Variants in SCN9A observed in about 807,000 individuals in gnomAD.
SCN9A encodes the protein sodium channel protein type 9 subunit alpha.
A neutral mutation model predicts 187.0 loss-of-function variants in SCN9A; 131 were observed. That is an observed-to-expected ratio of 0.70 (90% CI 0.61 to 0.81). SCN9A has a LOEUF of 0.81. Ranked by LOEUF, SCN9A falls within the 30% of genes least tolerant of loss-of-function variation. The probability of loss-of-function intolerance (pLI) is 0.00; values close to 1 mark genes in which losing one functional copy is unlikely to be tolerated. For synonymous variants in SCN9A, 809 were observed against 808.6 expected (o/e 1.00, Z -0.01); for missense variants, 2,252 against 2,396.6 (o/e 0.94, Z 1.26).
rs1348866353 is a variant in SCN9A at position 166,196,789 on chromosome 2, A to C, written c.*1883T>G. On this transcript the variant is annotated 3_prime_UTR_variant, in exon 27 of 27. Transcript: ENST00000642356. ...GCATGGTGTCTTTCATATTAAATTAAAAAGTGGTTCAAATAGCCTAAGATG... is the reference window on the plus strand; with the variant it reads ...GCATGGTGTCTTTCATATTAAATTACAAAGTGGTTCAAATAGCCTAAGATG... 1 of 152,136 alleles carries C rather than the reference A, an allele frequency of 6.6e-6. No homozygotes were observed. The highest frequency in any genetic ancestry group is 1.9e-4 in the East Asian group (1 of 5,188). 9.4% of individuals were successfully genotyped at this position (152,136 alleles called of 1,614,324 possible). A position where few individuals can be genotyped will look rare whatever the true frequency, so the allele number is the denominator to read the frequency against.
chr2:166,210,772 G>A (rs1391964931), intron 24 of SCN9A, among the ~76,000 whole-genome samples: 1 of 151,996 alleles, frequency 6.6e-6, no homozygotes, highest in East Asian at 1.9e-4. Flanking sequence ...ATCTAAAGAA[G>A]TCTCGGCTGG....
intron 26 of SCN9A, among the ~76,000 whole-genome samples, chr2:166,202,760 T>A (rs1311227883): frequency 6.6e-6 from 1 of 151,768 alleles, no homozygotes; most frequent in African/African-American, 2.4e-5. Context: ...GATTTTCTAA[T>A]TTTTTTCATG....
In SCN9A at chr2:166,214,744, G is replaced by C. The variant is rs180938644; in HGVS notation, c.4399-10280C>G. Among the ~76,000 whole-genome samples the C allele has an allele frequency of 4.0e-3, 598 of 151,318 alleles. 5 individuals carry two copies. Among genetic ancestry groups the C allele is most frequent in the African/African-American group, 0.014 (574 of 41,254 alleles). On this transcript the variant is annotated intron_variant, in intron 24 of 26. Coordinates refer to ENST00000642356, the MANE Select transcript of SCN9A (RefSeq NM_001365536.1). ...TTAGCCAGGATGGTCTCGATCTCCT[G>C]ACCTCGTGATCCGCCCGCCTCGGCC... is the stretch of plus-strand genomic sequence containing the variant.
rs368396027 is a variant in SCN9A, at chr2:166,233,395, C to T, written c.3869G>A (p.Arg1290Gln). 28 of 1,579,526 alleles carry T rather than the reference C, an allele frequency of 1.8e-5. No homozygotes were observed. The highest frequency in any genetic ancestry group is 1.7e-4 in the Middle Eastern group (1 of 5,998). ...YSDLGPIKSLRTLRALRPLRA... is the reference protein window; with the variant it reads ...YSDLGPIKSLQTLRALRPLRA... ...TAGAGGTCTTAAAGCTCTCAGTGTC[C>T]GAAGGGATTTAATGGGGCCAAGATC... The change falls in exon 21 of 27, where the codon CGG (arginine) becomes CAG (glutamine). Residue 1290 changes from arginine to glutamine, a missense_variant. Around this residue, in one of 7 missense-constraint regions of SCN9A, gnomAD observed 368 missense variants for 408.6 expected, o/e 0.90. Transcript: ENST00000642356.
At chr2:166,322,003 G>T (rs971135701) in intron 1 of SCN9A, among the ~76,000 whole-genome samples, 2 of 151,852 alleles carry the variant, frequency 1.3e-5, no homozygotes, top group Non-Finnish European at 2.9e-5. Flanking sequence ...GTTACATTAG[G>T]TCTTTCCTAG....
At position 166,196,991 on chromosome 2, in the gene SCN9A, A is replaced by G. The variant is rs567068872; in HGVS notation, c.*1681T>C. 2.0e-5 allele frequency: 3 copies of G among 152,216 alleles called. No individual in the cohort carries two copies. In the South Asian group the frequency reaches 6.2e-4, roughly 32 times the overall value. The allele number at this position is 152,216 out of a possible 1,614,324, so 9.4% of individuals were successfully genotyped here. A position where few individuals can be genotyped will look rare whatever the true frequency, so the allele number is the denominator to read the frequency against. On this transcript the variant is annotated 3_prime_UTR_variant, in exon 27 of 27. Transcript: ENST00000642356. ...TCTTTGTTTCTATAGGTACGTTTAA[A>G]TCCTCTTTCTTTTTAAATTGCCAGA... is the stretch of plus-strand genomic sequence containing the variant.
chr2:166,286,200 C>T (rs372322044), intron 11 of SCN9A, 136 bp downstream of exon 11: 58 of 785,952 alleles, frequency 7.4e-5, no homozygotes, highest in East Asian at 1.0e-4. Context: ...AAATGCCTAG[C>T]GATACTAGGT....
chr2:166,286,303 C>T (rs200993251), intron 11 of SCN9A, 33 bp downstream of exon 11: 139 of 1,567,776 alleles, frequency 8.9e-5, no homozygotes, highest in Admixed American at 1.5e-4. Context: ...CATTCTGCCT[C>T]GGGTGATACA....
At chr2:166,322,475 G>GA (rs1462138840) in intron 1 of SCN9A, among the ~76,000 whole-genome samples, 1 of 152,048 alleles carries the variant, frequency 6.6e-6, no homozygotes. Context: ...TTCCTAGTTT[G>GA]AAAAATTGAG....
intron 26 of SCN9A, among the ~76,000 whole-genome samples, chr2:166,200,529 A>G (rs1163403434): frequency 3.9e-5 from 6 of 152,216 alleles, no homozygotes; most frequent in Admixed American, 1.3e-4. Flanking sequence ...AATGTCAACA[A>G]TAACTATTAT....
chr2:166,370,186 C>A (rs1408163816), intron 1 of SCN9A, among the ~76,000 whole-genome samples: 1 of 143,586 alleles, frequency 7.0e-6, no homozygotes, highest in African/African-American at 2.7e-5. Context: ...AAATTACCCC[C>A]AGTTAAAATA....
chr2:166,349,253 AT>A (rs1484577412), intron 1 of SCN9A, among the ~76,000 whole-genome samples: 1 of 152,212 alleles, frequency 6.6e-6, no homozygotes, highest in Non-Finnish European at 1.5e-5. Context: ...AATGGGGTAC[AT>A]AGAAGGTAAT....
chr2:166,345,331 G>T (rs1699874516), intron 1 of SCN9A, among the ~76,000 whole-genome samples: 1 of 152,000 alleles, frequency 6.6e-6, no homozygotes, highest in African/African-American at 2.4e-5. Flanking sequence ...GCATAAAGCA[G>T]CTACCCTGTG....
At chr2:166,350,592 C>A (rs1700010730) in intron 1 of SCN9A, among the ~76,000 whole-genome samples, 1 of 151,872 alleles carries the variant, frequency 6.6e-6, no homozygotes, top group Non-Finnish European at 1.5e-5. Context: ...TTAACTATGC[C>A]CACTATTATC....
chr2:166,222,270 T>C (rs960517494), intron 24 of SCN9A, among the ~76,000 whole-genome samples: 1 of 152,206 alleles, frequency 6.6e-6, no homozygotes, highest in Non-Finnish European at 1.5e-5. Context: ...TAAGAAGGCA[T>C]GCAAATGACC....
intron 26 of SCN9A, 116 bp downstream of exon 26, chr2:166,203,839 T>C (rs1416990581): frequency 3.1e-6 from 2 of 649,684 alleles, no homozygotes; most frequent in African/African-American, 1.8e-5. Context: ...ATTCTTTCAT[T>C]GTACTGACTT....
At position 166,241,262 on chromosome 2, in the gene SCN9A, T is replaced by C. The variant is rs571596844; in HGVS notation, c.3627+1240A>G. On this transcript the variant is annotated intron_variant, in intron 19 of 26. Coordinates refer to ENST00000642356, the MANE Select transcript of SCN9A (RefSeq NM_001365536.1). ...TAGCTAGATCTGGGCTCCTAATGGC[T>C]TCTAATGGCTCATCTCTGTCAGCGT... 3.3e-5 allele frequency among the ~76,000 whole-genome samples: 5 copies of C among 152,100 alleles called. No individual in the cohort carries two copies. In the South Asian group the frequency reaches 8.3e-4, roughly 25 times the overall value.
Position 166,272,875 on chromosome 2 carries a change from C to A in SCN9A, c.2875G>T (p.Val959Phe). 1 of 1,426,084 alleles carries A rather than the reference C, an allele frequency of 7.0e-7. No individual in the cohort carries two copies. Among genetic ancestry groups the A allele is most frequent in the Admixed American group, 2.5e-5 (1 of 39,950 alleles). 88.3% of individuals were successfully genotyped at this position (1,426,084 alleles called of 1,614,324 possible). The change falls in exon 17 of 27, where the codon GTC becomes TTC. Residue 959 changes from valine to phenylalanine, a missense_variant and splice_region_variant. This residue lies in a region of SCN9A where 119 missense variants were observed against 188.7 expected (regional missense o/e 0.63). Coordinates refer to ENST00000642356, the MANE Select transcript of SCN9A (RefSeq NM_001365536.1). Reference protein sequence around the residue: ...MMVMVIGNLVVLNLFLALLLS... With the variant: ...MMVMVIGNLVFLNLFLALLLS... Reference sequence around the variant, plus strand: ...AATAAGGCCAGAAATAGGTTTAGGACCTATATCAGGGTGGGGAGAGGGGGT... The same window carrying A: ...AATAAGGCCAGAAATAGGTTTAGGAACTATATCAGGGTGGGGAGAGGGGGT...
At chr2:166,258,560 T>A (rs1271777097) in intron 17 of SCN9A, among the ~76,000 whole-genome samples, 1 of 151,512 alleles carries the variant, frequency 6.6e-6, no homozygotes, top group African/African-American at 2.4e-5. Flanking sequence ...AAAAATAAAG[T>A]CCCATAACTA....
Sources: gnomAD v4.1 joint callset for allele counts (sites outside exome capture counted in the v4.1 genomes callset) on GRCh38, gnomAD v4.1.1 for gene constraint, gnomAD v4.1.1 regional missense constraint, MANE v1.5 for transcripts, NCBI Gene and HGNC (gene_info 2026-07-23, HGNC 2026-07-21) for gene names.